INPP4B: variants seen among roughly 807,000 people sequenced by gnomAD.
INPP4B encodes the protein inositol polyphosphate-4-phosphatase type II B.
INPP4B carries 55 observed loss-of-function variants against 122.5 expected under a neutral mutation model. That is an observed-to-expected ratio of 0.45 (90% CI 0.36 to 0.56). The LOEUF is 0.56. Ranked by LOEUF, INPP4B falls within the 20% of genes least tolerant of loss-of-function variation. The probability of loss-of-function intolerance (pLI) is 0.00; values close to 1 mark genes in which losing one functional copy is unlikely to be tolerated. For missense variants in INPP4B, 1,000 were observed against 1,097.7 expected, an observed-to-expected ratio of 0.91 and a Z score of 1.26; for synonymous variants, 403 against 388.7, an observed-to-expected ratio of 1.04 and a Z score of -0.43.
intron 2 of INPP4B, chr4:142,660,974 G>T (rs557235452): frequency 6.6e-6 from 1 of 152,314 alleles, no homozygotes; most frequent in Admixed American, 6.5e-5. Flanking sequence ...TTCTTTAGAG[G>T]GGGGAATGAG....
At chr4:142,609,203 T>C (rs939230381) in intron 2 of INPP4B, among the ~76,000 whole-genome samples, 14 of 151,020 alleles carry the variant, frequency 9.3e-5, no homozygotes, top group Non-Finnish European at 1.2e-4. Context: ...AATATAAATA[T>C]TTATTTATAT....
chr4:142,064,070 A>C (rs1215148333), intron 25 of INPP4B, among the ~76,000 whole-genome samples: 1 of 152,220 alleles, frequency 6.6e-6, no homozygotes, highest in African/African-American at 2.4e-5. Context: ...CCCATGATTT[A>C]GAATTAATTT....
intron 7 of INPP4B, among the ~76,000 whole-genome samples, chr4:142,340,419 A>AT (rs1778300643): frequency 8.8e-6 from 1 of 113,816 alleles, no homozygotes; most frequent in Non-Finnish European, 2.0e-5. Flanking sequence ...TCTCTTTAAA[A>AT]TTTTTAGAGA....
chr4:142,278,615 T>C (rs994173471), intron 9 of INPP4B, among the ~76,000 whole-genome samples: 3 of 151,824 alleles, frequency 2.0e-5, no homozygotes. Context: ...TACCTTTTAT[T>C]TTTCTCTATT....
intron 3 of INPP4B, among the ~76,000 whole-genome samples, chr4:142,444,753 C>T (rs1448098497): frequency 6.6e-6 from 1 of 152,030 alleles, no homozygotes; most frequent in Non-Finnish European, 1.5e-5. Flanking sequence ...GACTTGGATC[C>T]AACCCAAATG....
intron 2 of INPP4B, among the ~76,000 whole-genome samples, chr4:142,634,163 T>C (rs1399355070): frequency 6.6e-6 from 1 of 152,170 alleles, no homozygotes; most frequent in Non-Finnish European, 1.5e-5. Flanking sequence ...TGTGAATAAA[T>C]AGATAATCTG....
chr4:142,086,096 G>T, intron 24 of INPP4B, 48 bp downstream of exon 24: 2 of 1,220,688 alleles, frequency 1.6e-6, no homozygotes, highest in Non-Finnish European at 2.4e-6. Flanking sequence ...GATAATATTT[G>T]CTGGTTATGA....
chr4:142,067,210 A>G (rs952995646), intron 25 of INPP4B, among the ~76,000 whole-genome samples: 1 of 152,210 alleles, frequency 6.6e-6, no homozygotes, highest in Admixed American at 6.5e-5. Context: ...CCAGGCAAAC[A>G]GGGTCTGGAG....
At chr4:142,228,377 G>T (rs1852578521) in intron 12 of INPP4B, among the ~76,000 whole-genome samples, 3 of 151,990 alleles carry the variant, frequency 2.0e-5, no homozygotes. Flanking sequence ...AAAGCACATT[G>T]TATGTAGAAA....
chr4:142,652,661 T>G (rs1262708131), intron 2 of INPP4B, among the ~76,000 whole-genome samples: 1 of 152,150 alleles, frequency 6.6e-6, no homozygotes, highest in Non-Finnish European at 1.5e-5. Flanking sequence ...ACAAGGGATG[T>G]GAAGGACCTC....
intron 17 of INPP4B, among the ~76,000 whole-genome samples, chr4:142,154,295 T>C (rs1816002512): frequency 6.6e-6 from 1 of 152,180 alleles, no homozygotes. Context: ...AAATTATTTC[T>C]GTGTAACTAG....
intron 7 of INPP4B, among the ~76,000 whole-genome samples, chr4:142,363,067 C>A (rs1786065345): frequency 6.6e-6 from 1 of 151,986 alleles, no homozygotes. Flanking sequence ...TCTCCCTGTA[C>A]TTTTATTCTC....
chr4:142,091,081 A>T (rs1283314953), intron 23 of INPP4B, among the ~76,000 whole-genome samples: 1 of 152,136 alleles, frequency 6.6e-6, no homozygotes, highest in Non-Finnish European at 1.5e-5. Flanking sequence ...TTCTCATAGG[A>T]GGGGAGGATT....
chr4:142,362,854 A>C (rs1785969518), intron 7 of INPP4B, among the ~76,000 whole-genome samples: 1 of 152,046 alleles, frequency 6.6e-6, no homozygotes, highest in Non-Finnish European at 1.5e-5. Context: ...AGGAGGGAGA[A>C]GGGCAAGGGC....
chr4:142,636,948 T>A (rs2150454854), intron 2 of INPP4B, among the ~76,000 whole-genome samples: 1 of 152,284 alleles, frequency 6.6e-6, no homozygotes, highest in East Asian at 1.9e-4. Context: ...TTTTAATTGT[T>A]AAAATACTCT....
chr4:142,302,758 G>A (rs562419174), intron 9 of INPP4B, among the ~76,000 whole-genome samples: 11 of 151,944 alleles, frequency 7.2e-5, no homozygotes, highest in Admixed American at 2.0e-4. Flanking sequence ...AGGACTACAC[G>A]GCAATGAATT....
chr4:142,347,014 C>T (rs1338877355), intron 7 of INPP4B, among the ~76,000 whole-genome samples: 1 of 151,952 alleles, frequency 6.6e-6, no homozygotes, highest in Non-Finnish European at 1.5e-5. Context: ...GTAGATATAG[C>T]CCAGTCCTTC....
At position 142,245,991 on chromosome 4, in the gene INPP4B, T is replaced by C. The variant is rs200393817; in HGVS notation, c.689-7980A>G. Among the ~76,000 whole-genome samples, 120 of 127,016 alleles carry C rather than the reference T, an allele frequency of 9.4e-4. 16 individuals carry two copies. Among genetic ancestry groups the C allele is most frequent in the African/African-American group, 3.6e-3 (113 of 31,098 alleles). The allele number at this position is 127,016 out of a possible 152,430, so 83.3% of individuals were successfully genotyped here. A position where few individuals can be genotyped will look rare whatever the true frequency, so the allele number is the denominator to read the frequency against. On this transcript the variant is annotated intron_variant, in intron 11 of 25. Transcript: ENST00000262992. ...ATACACACATGTGTGTATGTATACA[T>C]ATATATGTGTATGTATACACACATG...
intron 7 of INPP4B, among the ~76,000 whole-genome samples, chr4:142,329,194 G>A (rs1183923802): frequency 1.3e-5 from 2 of 152,180 alleles, no homozygotes; most frequent in African/African-American, 2.4e-5. Flanking sequence ...ACAGTGTAAC[G>A]AGGTGGGAGT....
Sources: gnomAD v4.1 joint callset for allele counts (sites outside exome capture counted in the v4.1 genomes callset) on GRCh38, gnomAD v4.1.1 for gene constraint, MANE v1.5 for transcripts, NCBI Gene and HGNC (gene_info 2026-07-23, HGNC 2026-07-21) for gene names.